CPS1: variants seen among roughly 807,000 people sequenced by gnomAD.
CPS1 encodes carbamoyl-phosphate synthase 1.
A neutral mutation model predicts 174.6 loss-of-function variants in CPS1; 109 were observed. The ratio of observed to expected loss-of-function variants is 0.62; its 90% CI spans 0.53 to 0.73. The LOEUF is 0.73. CPS1 is among the 30% of genes least tolerant of loss of function. The pLI is 0.00. For synonymous variants in CPS1, 637 were observed against 632.0 expected (o/e 1.01, Z -0.12); for missense variants, 1,689 against 1,821.9 (o/e 0.93, Z 1.33).
chr2:210,640,411 A>G (rs906518004), intron 24 of CPS1, among the ~76,000 whole-genome samples: 3 of 152,184 alleles, frequency 2.0e-5, no homozygotes, highest in Non-Finnish European at 4.4e-5. Flanking sequence ...ACATTTACTC[A>G]AGGACTTTAT....
At chr2:210,628,667 G>A (rs774479029) in intron 21 of CPS1, among the ~76,000 whole-genome samples, 1 of 152,070 alleles carries the variant, frequency 6.6e-6, no homozygotes, top group African/African-American at 2.4e-5. Flanking sequence ...GGGCGTGGTG[G>A]CAGGCGCCTG....
chr2:210,547,942 G>A (rs1696605733), intron 1 of CPS1, among the ~76,000 whole-genome samples: 1 of 151,988 alleles, frequency 6.6e-6, no homozygotes. Flanking sequence ...TGTTTCAAGT[G>A]TGTATGTGTT....
intron 34 of CPS1, among the ~76,000 whole-genome samples, chr2:210,670,861 C>A (rs928292862): frequency 6.6e-5 from 10 of 152,140 alleles, no homozygotes; most frequent in Non-Finnish European, 1.5e-4. Flanking sequence ...TTGAAATATT[C>A]ATAACATCAA....
chr2:210,534,863 A>T (rs1387298058), intron 1 of CPS1, among the ~76,000 whole-genome samples: 1 of 152,146 alleles, frequency 6.6e-6, no homozygotes, highest in Admixed American at 6.5e-5. Flanking sequence ...CTTATAGGTC[A>T]TCCTGGCATG....
chr2:210,537,231 G>C (rs1417823139), intron 1 of CPS1, among the ~76,000 whole-genome samples: 1 of 152,186 alleles, frequency 6.6e-6, no homozygotes, highest in Non-Finnish European at 1.5e-5. Context: ...AAACCAATGA[G>C]TGGTGAGAAG....
chr2:210,635,192 C>A (rs778687598), intron 21 of CPS1, among the ~76,000 whole-genome samples: 68 of 152,136 alleles, frequency 4.5e-4, no homozygotes, highest in Non-Finnish European at 7.2e-4. Flanking sequence ...ATTCACCCTC[C>A]TCAGCCTCCC....
rs140533115 is a variant in CPS1 at position 210,615,027 on chromosome 2, G to GTATA, written c.2569-1383_2569-1380dup. ...CTGCACATGTATCCCAGAACTTAAA[G>GTATA]TATATATATATATATAAAAGAAAGA... is the stretch of plus-strand genomic sequence containing the variant. On this transcript the variant is annotated intron_variant, in intron 20 of 37. Transcript: ENST00000233072. Among the ~76,000 whole-genome samples, 496 of 149,878 alleles carry GTATA rather than the reference G, an allele frequency of 3.3e-3. 2 individuals carry two copies. The highest frequency in any genetic ancestry group is 0.012 in the African/African-American group (476 of 40,930).
At chr2:210,593,652 G>C in intron 11 of CPS1, 1 of 985,268 alleles carries the variant, frequency 1.0e-6, no homozygotes, top group Non-Finnish European at 1.2e-6. Context: ...TTCATTGTCA[G>C]AACTCTCAGA....
chr2:210,586,200 G>A (rs1417374115), intron 6 of CPS1, among the ~76,000 whole-genome samples: 3 of 151,940 alleles, frequency 2.0e-5, no homozygotes, highest in Non-Finnish European at 4.4e-5. Context: ...TGATGTTCAT[G>A]TCGGGCAGGG....
At chr2:210,543,337 A>G (rs892753771) in intron 1 of CPS1, among the ~76,000 whole-genome samples, 33 of 152,180 alleles carry the variant, frequency 2.2e-4, no homozygotes, top group African/African-American at 7.7e-4. Flanking sequence ...GCCAACACCT[A>G]CAGGGTCTGG....
At chr2:210,521,642 A>T (rs1320760647) in intron 1 of CPS1, among the ~76,000 whole-genome samples, 1 of 152,008 alleles carries the variant, frequency 6.6e-6, no homozygotes, top group Non-Finnish European at 1.5e-5. Context: ...TTAATATCAG[A>T]CATTGTAGTT....
chr2:210,558,566 A>C (rs1696994639), intron 1 of CPS1, among the ~76,000 whole-genome samples: 2 of 152,024 alleles, frequency 1.3e-5, no homozygotes, highest in Non-Finnish European at 2.9e-5. Flanking sequence ...TAATACTTCA[A>C]AGTTGGGTGA....
chr2:210,636,674 G>A (rs1440075937), intron 21 of CPS1, among the ~76,000 whole-genome samples: 3 of 151,932 alleles, frequency 2.0e-5, no homozygotes, highest in Admixed American at 6.6e-5. Flanking sequence ...TATGTCCATC[G>A]TTCCAAGCAA....
intron 24 of CPS1, among the ~76,000 whole-genome samples, chr2:210,641,587 T>C (rs13429886): frequency 0.23 from 34,774 of 152,068 alleles, 8,085 homozygotes; most frequent in African/African-American, 0.6. Context: ...TATCTTATGG[T>C]GAAATAGCCT....
At chr2:210,670,438 G>A (rs1466790964) in intron 34 of CPS1, among the ~76,000 whole-genome samples, 1 of 152,076 alleles carries the variant, frequency 6.6e-6, no homozygotes. Context: ...TTCTTAGTTA[G>A]TATGGGGCCA....
chr2:210,640,717 C>A (rs1235247894), intron 24 of CPS1, among the ~76,000 whole-genome samples: 1 of 152,104 alleles, frequency 6.6e-6, no homozygotes, highest in East Asian at 1.9e-4. Context: ...TGATAAAAAT[C>A]TATGATTTGA....
chr2:210,625,066 T>C (rs566124611), intron 21 of CPS1, among the ~76,000 whole-genome samples: 5 of 152,232 alleles, frequency 3.3e-5, no homozygotes, highest in African/African-American at 1.2e-4. Context: ...TAGGAGCTGG[T>C]ATTAGACCAA....
intron 21 of CPS1, among the ~76,000 whole-genome samples, chr2:210,636,164 A>G (rs940746330): frequency 2.0e-5 from 3 of 152,190 alleles, no homozygotes; most frequent in South Asian, 2.1e-4. Context: ...TGTATTAACA[A>G]TTACATGAAA....
At chr2:210,492,017 C>T (rs1694888815) in intron 1 of CPS1, among the ~76,000 whole-genome samples, 1 of 152,310 alleles carries the variant, frequency 6.6e-6, no homozygotes, top group Admixed American at 6.5e-5. Flanking sequence ...TAACCAGGAA[C>T]CTGGTGGCTG....
Sources: gnomAD v4.1 joint callset for allele counts (sites outside exome capture counted in the v4.1 genomes callset) on GRCh38, gnomAD v4.1.1 for gene constraint, MANE v1.5 for transcripts, NCBI Gene and HGNC (gene_info 2026-07-23, HGNC 2026-07-21) for gene names.